STPG1: variants seen among roughly 807,000 people sequenced by gnomAD.
STPG1 encodes sperm tail PG-rich repeat containing 1.
Under a neutral mutation model 40.1 loss-of-function variants are expected in STPG1, and 33 were observed. The ratio of observed to expected loss-of-function variants is 0.82; its 90% CI spans 0.62 to 1.10. The LOEUF (loss-of-function observed/expected upper bound fraction) is 1.10. Among genes scored for constraint, STPG1 ranks in the 50% least tolerant of loss-of-function variants. The pLI is 0.00. For synonymous variants in STPG1, 150 were observed against 155.0 expected (o/e 0.97, Z 0.24); for missense variants, 396 against 415.1 (o/e 0.95, Z 0.40).
chr1:24,414,863 C>G (rs6687848), upstream of STPG1: 2 of 152,026 alleles, frequency 1.3e-5, no homozygotes, highest in African/African-American at 2.4e-5. Flanking sequence ...GTCCCTGGCC[C>G]GTCCCTCAGA....
chr1:24,398,001 A>G (rs181456512), intron 2 of STPG1, among the ~76,000 whole-genome samples: 21 of 152,252 alleles, frequency 1.4e-4, no homozygotes, highest in Non-Finnish European at 3.1e-4. Flanking sequence ...CTTTTTAAAA[A>G]ACTGTCAAAC....
At chr1:24,372,818 A>G (rs2148688614) in intron 6 of STPG1, among the ~76,000 whole-genome samples, 1 of 152,228 alleles carries the variant, frequency 6.6e-6, no homozygotes, top group African/African-American at 2.4e-5. Flanking sequence ...CTGGGGCCCA[A>G]GGTTCCTGGG....
chr1:24,373,962 A>G, intron 5 of STPG1, 152 bp from the exon 6 acceptor site: 1 of 599,368 alleles, frequency 1.7e-6, no homozygotes, highest in Non-Finnish European at 3.0e-6. Context: ...TAAACGTCAC[A>G]CTGGCTGTGG....
At chr1:24,374,003 T>C (rs1455220206) in intron 5 of STPG1, among the ~76,000 whole-genome samples, 193 bp from the exon 6 acceptor site, 1 of 152,158 alleles carries the variant, frequency 6.6e-6, no homozygotes, top group Non-Finnish European at 1.5e-5. Flanking sequence ...AAGTGGTCTA[T>C]GAGTTTGTGA....
At chr1:24,395,054 A>T (rs1053853565) in intron 2 of STPG1, among the ~76,000 whole-genome samples, 1 of 152,134 alleles carries the variant, frequency 6.6e-6, no homozygotes, top group African/African-American at 2.4e-5. Flanking sequence ...AAAAGTGATA[A>T]GAAGAAAATG....
chr1:24,374,483 T>C (rs1386002018), intron 5 of STPG1, among the ~76,000 whole-genome samples: 10 of 151,898 alleles, frequency 6.6e-5, no homozygotes, highest in Admixed American at 6.6e-4. Context: ...ATGGCCTCGA[T>C]CTCCTGACCT....
intron 5 of STPG1, among the ~76,000 whole-genome samples, chr1:24,375,019 T>C (rs1641955680): frequency 6.6e-6 from 1 of 152,204 alleles, no homozygotes. Context: ...AGCCCTTCTA[T>C]AAATGCAGCA....
Position 24,369,729 on chromosome 1 carries a change from G to T in STPG1, c.682C>A (p.Pro228Thr). The T allele has an allele frequency of 6.2e-7, 1 of 1,612,420 alleles. No individual in the cohort carries two copies. Among genetic ancestry groups the T allele is most frequent in the Non-Finnish European group, 8.5e-7 (1 of 1,178,734 alleles). The change falls in exon 7 of 9, where the codon CCT becomes ACT. Residue 228 changes from proline (P) to threonine (T), a missense_variant. Physicochemically the swap from Pro to Thr is conservative, Grantham distance 38. Coordinates refer to ENST00000337248, the MANE Select transcript of STPG1 (RefSeq NM_001199013.2). The stretch of plus-strand genomic sequence containing the variant: ...CAATCACTGGGGTTGTAATAACCAG[G>T]TCCCGGGCCTGTTGACGTCAGTTTT... ...GLKLTSTGPG[P>T]GYYNPSDCTK...
chr1:24,376,089 T>C (rs1642010500), intron 5 of STPG1, among the ~76,000 whole-genome samples: 1 of 152,174 alleles, frequency 6.6e-6, no homozygotes, highest in Admixed American at 6.5e-5. Flanking sequence ...AGTGTGATCT[T>C]GGCTCACTGC....
At chr1:24,369,958 A>C in intron 6 of STPG1, 119 bp from the exon 7 acceptor site, 1 of 815,054 alleles carries the variant, frequency 1.2e-6, no homozygotes, top group South Asian at 2.5e-5. Context: ...TAGGATGGCC[A>C]AGTGGAAGGG....
At chr1:24,404,914 A>AT (rs1487710942) in intron 1 of STPG1, among the ~76,000 whole-genome samples, 1 of 151,862 alleles carries the variant, frequency 6.6e-6, no homozygotes, top group Non-Finnish European at 1.5e-5. Context: ...TTCTATGATT[A>AT]TTTTTTCTTT....
intron 3 of STPG1, among the ~76,000 whole-genome samples, chr1:24,385,901 A>G (rs1006486121): frequency 6.6e-6 from 1 of 152,174 alleles, no homozygotes; most frequent in African/African-American, 2.4e-5. Flanking sequence ...CCCTGAATCT[A>G]GGAAAGCTGA....
At chr1:24,397,347 A>G (rs1436319049) in intron 2 of STPG1, among the ~76,000 whole-genome samples, 1 of 152,216 alleles carries the variant, frequency 6.6e-6, no homozygotes, top group East Asian at 1.9e-4. Flanking sequence ...TGGCATTTAT[A>G]GAACACTCCA....
chr1:24,369,408 C>T (rs920279146), intron 7 of STPG1: 5 of 595,106 alleles, frequency 8.4e-6, no homozygotes, highest in Admixed American at 2.2e-5. Flanking sequence ...GCTTCCTCCT[C>T]TATGGGGTAA....
intron 7 of STPG1, among the ~76,000 whole-genome samples, chr1:24,365,915 C>T (rs1025827779): frequency 2.6e-5 from 4 of 152,222 alleles, no homozygotes; most frequent in African/African-American, 9.6e-5. Flanking sequence ...ACGCTGCCTC[C>T]ATGGCCTCTT....
At chr1:24,373,216 G>A (rs904437723) in intron 6 of STPG1, among the ~76,000 whole-genome samples, 7 of 152,182 alleles carry the variant, frequency 4.6e-5, no homozygotes, top group South Asian at 2.1e-4. Context: ...ACCACTCACC[G>A]TGGAGTGGGT....
At position 24,401,314 on chromosome 1, in the gene STPG1, T is replaced by C. The variant is rs766065275; in HGVS notation, c.70+5A>G. On this transcript the variant is annotated splice_donor_5th_base_variant and intron_variant, in intron 2 of 8. Transcript: ENST00000337248. ...GCTATCTCCTCCCTGCAAAGACACATGTACCTTTCTGTACTTCACTGGCAC... is the reference window on the plus strand; with the variant it reads ...GCTATCTCCTCCCTGCAAAGACACACGTACCTTTCTGTACTTCACTGGCAC... 2.5e-6 allele frequency: 4 copies of C among 1,613,890 alleles called. No individual in the cohort carries two copies. The highest frequency in any genetic ancestry group is 3.3e-5 in the Admixed American group (2 of 60,018).
chr1:24,409,653 G>A (rs1415965704), intron 1 of STPG1, among the ~76,000 whole-genome samples: 1 of 152,180 alleles, frequency 6.6e-6, no homozygotes, highest in Non-Finnish European at 1.5e-5. Flanking sequence ...ACCATTCTGA[G>A]GCATGTGATG....
intron 6 of STPG1, among the ~76,000 whole-genome samples, chr1:24,372,551 C>T (rs929666668): frequency 6.6e-5 from 10 of 152,196 alleles, no homozygotes; most frequent in African/African-American, 2.4e-4. Context: ...GGACTCTGGC[C>T]AACCCCAGGG....
Sources: allele counts gnomAD v4.1 joint callset (sites outside exome capture counted in the v4.1 genomes callset), GRCh38; gene constraint gnomAD v4.1.1; transcripts MANE v1.5; gene names NCBI Gene and HGNC (gene_info 2026-07-23, HGNC 2026-07-21).